SPAG16: variants seen among roughly 807,000 people sequenced by gnomAD.
SPAG16 encodes sperm associated antigen 16.
SPAG16 carries 86 observed loss-of-function variants against 80.4 expected under a neutral mutation model. That is an observed-to-expected ratio of 1.07 (90% confidence interval 0.90 to 1.28). SPAG16 has a LOEUF of 1.28. SPAG16 is among the 50% of genes most tolerant of loss of function. The pLI is 0.00. For synonymous variants in SPAG16, 294 were observed against 265.9 expected (o/e 1.11, Z -1.03); for missense variants, 870 against 765.3 (o/e 1.14, Z -1.61).
intron 10 of SPAG16, among the ~76,000 whole-genome samples, chr2:213,556,009 A>G (rs1313916066): frequency 6.6e-6 from 1 of 152,154 alleles, no homozygotes; most frequent in East Asian, 1.9e-4. Flanking sequence ...TCTGCTTAAA[A>G]TGGCCTGTAA....
At chr2:214,251,007 A>C (rs747274047) in intron 15 of SPAG16, among the ~76,000 whole-genome samples, 1 of 151,744 alleles carries the variant, frequency 6.6e-6, no homozygotes, top group Non-Finnish European at 1.5e-5. Flanking sequence ...TTTCTATCTA[A>C]TATGCACATA....
intron 13 of SPAG16, among the ~76,000 whole-genome samples, chr2:214,068,880 C>T (rs2050652324): frequency 6.6e-6 from 1 of 151,936 alleles, no homozygotes; most frequent in Admixed American, 6.6e-5. Context: ...GACACCTTAT[C>T]CATTAAACTA....
intron 10 of SPAG16, among the ~76,000 whole-genome samples, chr2:213,600,602 C>T (rs540973345): frequency 6.6e-6 from 1 of 152,226 alleles, no homozygotes; most frequent in East Asian, 1.9e-4. Context: ...CTTTCTCCAT[C>T]CAATTTATGC....
intron 5 of SPAG16, among the ~76,000 whole-genome samples, chr2:213,337,959 G>C (rs2064463073): frequency 6.6e-6 from 1 of 152,090 alleles, no homozygotes; most frequent in Non-Finnish European, 1.5e-5. Flanking sequence ...AAAATGTTAA[G>C]GGCAGCCAGA....
At chr2:214,046,884 A>G (rs1251158740) in intron 13 of SPAG16, among the ~76,000 whole-genome samples, 1 of 146,038 alleles carries the variant, frequency 6.8e-6, no homozygotes, top group Non-Finnish European at 1.5e-5. Context: ...TACCATTTCT[A>G]TATGTCAAAA....
At chr2:213,847,592 A>T (rs1382026387) in intron 10 of SPAG16, among the ~76,000 whole-genome samples, 2 of 152,134 alleles carry the variant, frequency 1.3e-5, no homozygotes, top group East Asian at 3.9e-4. Flanking sequence ...CCGTGATCCA[A>T]ACACCCTACA....
intron 15 of SPAG16, among the ~76,000 whole-genome samples, chr2:214,308,220 G>C (rs1695050202): frequency 6.6e-6 from 1 of 151,906 alleles, no homozygotes; most frequent in African/African-American, 2.4e-5. Context: ...TCCTCCTTTT[G>C]TCTGTTTTCC....
chr2:213,566,816 G>A (rs2059784344), intron 10 of SPAG16, among the ~76,000 whole-genome samples: 1 of 152,086 alleles, frequency 6.6e-6, no homozygotes, highest in Non-Finnish European at 1.5e-5. Context: ...CGCCTTTCCT[G>A]ATTTAGTTGC....
intron 10 of SPAG16, among the ~76,000 whole-genome samples, chr2:213,840,501 T>C (rs1292357708): frequency 6.6e-6 from 1 of 152,120 alleles, no homozygotes; most frequent in Non-Finnish European, 1.5e-5. Context: ...CTTTGGAAAA[T>C]TACCTTGAAT....
chr2:214,258,885 G>A (rs1228213933), intron 15 of SPAG16, among the ~76,000 whole-genome samples: 2 of 151,238 alleles, frequency 1.3e-5, no homozygotes, highest in African/African-American at 4.9e-5. Flanking sequence ...TTTCAATTTG[G>A]TATTTTATAT....
chr2:214,149,281 G>T lies in SPAG16; in HGVS notation c.1720+15G>T. ...TGATTCATCAGGTAGGATCATTTTT[G>T]TCTAATGTTTCTGACTAAGCCAATA... On this transcript the variant is annotated intron_variant, in intron 15 of 15. Coordinates refer to ENST00000331683, the MANE Select transcript of SPAG16 (RefSeq NM_024532.5). The T allele has an allele frequency of 6.5e-7, 1 of 1,536,996 alleles. No individual in the cohort carries two copies. Among genetic ancestry groups the T allele is most frequent in the Non-Finnish European group, 8.8e-7 (1 of 1,141,444 alleles).
At chr2:213,428,792 T>C (rs2070105755) in intron 9 of SPAG16, among the ~76,000 whole-genome samples, 1 of 151,986 alleles carries the variant, frequency 6.6e-6, no homozygotes, top group Non-Finnish European at 1.5e-5. Context: ...CTGCCAGGTC[T>C]AAAGAATGAG....
intron 9 of SPAG16, among the ~76,000 whole-genome samples, chr2:213,487,594 C>T (rs116136024): frequency 0.013 from 2,003 of 151,944 alleles, 23 homozygotes; most frequent in South Asian, 0.038. Flanking sequence ...TTGCCGCTCT[C>T]GATGTAAATC....
At chr2:214,247,328 G>T (rs577447725) in intron 15 of SPAG16, among the ~76,000 whole-genome samples, 1 of 152,112 alleles carries the variant, frequency 6.6e-6, no homozygotes, top group South Asian at 2.1e-4. Context: ...AGATTCATCT[G>T]AAGTCTAATA....
chr2:214,185,013 T>C (rs1252582936), intron 15 of SPAG16, among the ~76,000 whole-genome samples: 1 of 152,098 alleles, frequency 6.6e-6, no homozygotes, highest in Middle Eastern at 3.2e-3. Flanking sequence ...TAGGATTACA[T>C]TGATTATTAA....
At chr2:213,572,578 G>A (rs928582147) in intron 10 of SPAG16, among the ~76,000 whole-genome samples, 4 of 152,264 alleles carry the variant, frequency 2.6e-5, no homozygotes, top group African/African-American at 9.6e-5. Context: ...ACCCACTTGA[G>A]GAGGCAGTCG....
intron 15 of SPAG16, among the ~76,000 whole-genome samples, chr2:214,252,568 C>T (rs1690373464): frequency 6.6e-6 from 1 of 151,136 alleles, no homozygotes; most frequent in African/African-American, 2.4e-5. Context: ...TTCTTGTGTT[C>T]GTTTGCTGAG....
intron 11 of SPAG16, among the ~76,000 whole-genome samples, chr2:213,902,174 G>A (rs898550670): frequency 6.6e-6 from 1 of 152,186 alleles, no homozygotes; most frequent in Non-Finnish European, 1.5e-5. Context: ...TAAGTTAAAG[G>A]CATTTATTTT....
chr2:213,546,527 A>C (rs2076616952), intron 10 of SPAG16, among the ~76,000 whole-genome samples: 1 of 152,178 alleles, frequency 6.6e-6, no homozygotes, highest in Admixed American at 6.5e-5. Context: ...AACTCAACAA[A>C]TATTTTACTA....
Sources: gnomAD v4.1 joint callset for allele counts (sites outside exome capture counted in the v4.1 genomes callset) on GRCh38, gnomAD v4.1.1 for gene constraint, MANE v1.5 for transcripts, NCBI Gene and HGNC (gene_info 2026-07-23, HGNC 2026-07-21) for gene names.